Variants in LRP1B observed in about 807,000 individuals in gnomAD.
The protein encoded by LRP1B is LDL receptor related protein 1B.
In LRP1B, 217 loss-of-function variants were observed where a neutral mutation model predicts 556.6. That is an observed-to-expected ratio of 0.39 (90% confidence interval 0.35 to 0.44). The LOEUF (loss-of-function observed/expected upper bound fraction) is 0.44. Among genes scored for constraint, LRP1B ranks in the 20% least tolerant of loss-of-function variants. The probability of loss-of-function intolerance (pLI) is 1.00; values close to 1 mark genes in which losing one functional copy is unlikely to be tolerated. For missense variants in LRP1B, 5,053 were observed against 5,620.8 expected (o/e 0.90, Z 3.23); for synonymous variants, 2,047 against 1,865.8 (o/e 1.10, Z -2.50).
intron 41 of LRP1B, among the ~76,000 whole-genome samples, chr2:140,626,701 TA>T (rs60712957): frequency 0.05 from 7,093 of 142,138 alleles, 241 homozygotes; most frequent in East Asian, 0.15. Flanking sequence ...AGCTTCCATT[TA>T]AAAAAAAAAA....
intron 32 of LRP1B, among the ~76,000 whole-genome samples, chr2:140,789,967 C>T (rs1690055730): frequency 6.6e-6 from 1 of 152,042 alleles, no homozygotes; most frequent in Non-Finnish European, 1.5e-5. Context: ...GCTTGGTAAG[C>T]TCTTCCTTAG....
chr2:141,249,859 G>A (rs917303453), intron 4 of LRP1B, among the ~76,000 whole-genome samples: 1 of 151,662 alleles, frequency 6.6e-6, no homozygotes, highest in African/African-American at 2.4e-5. Context: ...AGTCACAAAT[G>A]GAAGACTGAT....
chr2:140,498,892 CCTGAATGTTTGTA>C (rs1689061439), intron 55 of LRP1B, among the ~76,000 whole-genome samples: 1 of 151,690 alleles, frequency 6.6e-6, no homozygotes. Flanking sequence ...CTGGTCTCAT[CCTGAATGTTTGTA>C]CAAGTCATAT....
intron 2 of LRP1B, among the ~76,000 whole-genome samples, chr2:141,630,263 A>C (rs935371824): frequency 1.3e-4 from 20 of 152,330 alleles, no homozygotes; most frequent in African/African-American, 4.6e-4. Context: ...ACAGTGCTCA[A>C]GGCAAAGGTA....
intron 11 of LRP1B, among the ~76,000 whole-genome samples, chr2:141,034,631 G>A (rs1265248753): frequency 6.6e-6 from 1 of 151,890 alleles, no homozygotes; most frequent in African/African-American, 2.4e-5. Flanking sequence ...GGCCATCAGA[G>A]AAATGCAAAT....
rs952297873 is a variant in LRP1B at position 142,100,518 on chromosome 2, C to A, written c.82+30130G>T. Among the ~76,000 whole-genome samples, 7 of 152,060 alleles carry A rather than the reference C, an allele frequency of 4.6e-5. No individual in the cohort carries two copies. The East Asian group carries it at 1.4e-3, about 29-fold the overall frequency. On this transcript the variant is annotated intron_variant, in intron 1 of 90. Coordinates refer to ENST00000389484, the MANE Select transcript of LRP1B (RefSeq NM_018557.3). The stretch of plus-strand genomic sequence containing the variant: ...CCCTTTCATTTCTTTGGGAAGTGGG[C>A]ATTCAGTGACTGAAATCAATTAATG...
At chr2:140,753,870 A>G (rs1050508686) in intron 35 of LRP1B, among the ~76,000 whole-genome samples, 1 of 152,158 alleles carries the variant, frequency 6.6e-6, no homozygotes, top group Non-Finnish European at 1.5e-5. Context: ...TGTTGAATAC[A>G]GAAAGAGTTC....
At chr2:141,273,601 TAA>T (rs575617203) in intron 3 of LRP1B, among the ~76,000 whole-genome samples, 1 of 152,164 alleles carries the variant, frequency 6.6e-6, no homozygotes, top group South Asian at 2.1e-4. Context: ...CTGGCCTCAG[TAA>T]AAGAGTTACA....
At chr2:140,863,281 C>G (rs1054601534) in intron 27 of LRP1B, among the ~76,000 whole-genome samples, 5 of 152,104 alleles carry the variant, frequency 3.3e-5, no homozygotes, top group Admixed American at 2.0e-4. Context: ...CAAATCTGTT[C>G]TTTTTACTCC....
chr2:140,492,421 T>C (rs1037881151), intron 57 of LRP1B, among the ~76,000 whole-genome samples, 187 bp downstream of exon 57: 1 of 152,152 alleles, frequency 6.6e-6, no homozygotes. Flanking sequence ...TCTGTTACTA[T>C]TACACAGTTT....
intron 2 of LRP1B, among the ~76,000 whole-genome samples, chr2:141,586,901 C>G (rs1291861604): frequency 6.8e-6 from 1 of 147,492 alleles, no homozygotes; most frequent in African/African-American, 2.5e-5. Context: ...GAGATCGTGC[C>G]ACTGCACTCC....
intron 2 of LRP1B, among the ~76,000 whole-genome samples, chr2:141,743,501 C>CTTT (rs796287062): frequency 8.4e-6 from 1 of 119,042 alleles, no homozygotes; most frequent in Non-Finnish European, 1.6e-5. Flanking sequence ...TTTTTTTTTT[C>CTTT]TTTTTTTTTT....
intron 2 of LRP1B, among the ~76,000 whole-genome samples, chr2:141,504,928 T>C (rs1347249036): frequency 1.3e-5 from 2 of 152,146 alleles, no homozygotes; most frequent in African/African-American, 2.4e-5. Context: ...TAGTTGAATG[T>C]GCCTAATGGC....
chr2:141,511,186 T>C (rs755486427), intron 2 of LRP1B, among the ~76,000 whole-genome samples: 5 of 152,152 alleles, frequency 3.3e-5, no homozygotes, highest in East Asian at 1.9e-4. Context: ...TAAAAGTATA[T>C]GAAATCTTTT....
At chr2:140,823,354 G>A (rs1312552508) in intron 31 of LRP1B, among the ~76,000 whole-genome samples, 1 of 152,068 alleles carries the variant, frequency 6.6e-6, no homozygotes. Flanking sequence ...TTGAGCCAGA[G>A]CTCACACAGA....
intron 85 of LRP1B, among the ~76,000 whole-genome samples, chr2:140,271,479 G>A (rs994055719): frequency 3.3e-5 from 5 of 151,904 alleles, no homozygotes; most frequent in East Asian, 1.9e-4. Context: ...AAAAATAATC[G>A]GTTGACATGT....
intron 17 of LRP1B, among the ~76,000 whole-genome samples, chr2:140,983,587 A>T (rs2105345508): frequency 6.6e-6 from 1 of 152,262 alleles, no homozygotes; most frequent in South Asian, 2.1e-4. Context: ...ACATTGTTCT[A>T]TCCTTTTAAG....
chr2:141,621,991 A>G (rs1688521528), intron 2 of LRP1B, among the ~76,000 whole-genome samples: 1 of 152,110 alleles, frequency 6.6e-6, no homozygotes, highest in African/African-American at 2.4e-5. Context: ...TCCCAGGTTC[A>G]AGTAATTCTC....
intron 3 of LRP1B, among the ~76,000 whole-genome samples, chr2:141,375,053 A>T (rs1475120239): frequency 6.6e-6 from 1 of 151,968 alleles, no homozygotes; most frequent in Non-Finnish European, 1.5e-5. Flanking sequence ...CTGAAGATGT[A>T]TGTATGTTGT....
Sources: allele counts gnomAD v4.1 joint callset (sites outside exome capture counted in the v4.1 genomes callset), GRCh38; gene constraint gnomAD v4.1.1; transcripts MANE v1.5; gene names NCBI Gene and HGNC (gene_info 2026-07-23, HGNC 2026-07-21).